DPH6: variants seen among roughly 807,000 people sequenced by gnomAD.
The protein encoded by DPH6 is diphthamine biosynthesis 6.
In DPH6, 33 loss-of-function variants were observed where a neutral mutation model predicts 38.2. The observed-to-expected ratio is 0.86, with a 90% CI of 0.65 to 1.15. The LOEUF (loss-of-function observed/expected upper bound fraction) is 1.15, where lower values mean the gene tolerates loss of function less well. DPH6 is among the 50% of genes most tolerant of loss of function. The probability of loss-of-function intolerance (pLI) is 0.00; values close to 1 mark genes in which losing one functional copy is unlikely to be tolerated. For missense variants in DPH6, 325 were observed against 320.0 expected, an observed-to-expected ratio of 1.02 and a Z score of -0.12; for synonymous variants, 108 against 103.0, an observed-to-expected ratio of 1.05 and a Z score of -0.30.
chr15:35,361,973 G>A (rs1174634989), intron 3 of DPH6, among the ~76,000 whole-genome samples: 1 of 149,968 alleles, frequency 6.7e-6, no homozygotes, highest in Non-Finnish European at 1.5e-5. Flanking sequence ...TCTATTTTGG[G>A]CCTCCGATTG....
chr15:35,385,546 T>C (rs1248170109), intron 6 of DPH6, among the ~76,000 whole-genome samples: 1 of 151,874 alleles, frequency 6.6e-6, no homozygotes, highest in African/African-American at 2.4e-5. Flanking sequence ...TTCTCACTCA[T>C]AAGTGGGAGT....
At chr15:35,331,494 C>A (rs1246815631) in intron 3 of DPH6, among the ~76,000 whole-genome samples, 1 of 152,070 alleles carries the variant, frequency 6.6e-6, no homozygotes, top group East Asian at 1.9e-4. Flanking sequence ...ATGCAGGATT[C>A]AAAAGAACAC....
intron 5 of DPH6, among the ~76,000 whole-genome samples, chr15:35,436,198 G>A (rs1188381866): frequency 2.6e-5 from 4 of 152,158 alleles, no homozygotes; most frequent in African/African-American, 4.8e-5. Context: ...TGGGCGCGGT[G>A]GCTCATGCCT....
chr15:35,528,213 A>G (rs1173197481), intron 3 of DPH6, among the ~76,000 whole-genome samples: 1 of 152,196 alleles, frequency 6.6e-6, no homozygotes, highest in Non-Finnish European at 1.5e-5. Flanking sequence ...AAACTATTTC[A>G]GTTGATACAA....
intron 7 of DPH6, among the ~76,000 whole-genome samples, chr15:35,374,805 T>C (rs147378880): frequency 2.6e-5 from 4 of 152,192 alleles, no homozygotes; most frequent in East Asian, 3.9e-4. Flanking sequence ...CCAGGTATGA[T>C]GAGGAGCAGC....
the DPH6 span, among the ~76,000 whole-genome samples, chr15:35,210,354 G>A: frequency 2.0e-5 from 3 of 152,178 alleles, no homozygotes; most frequent in South Asian, 6.2e-4. Context: ...GCCAGAGCAG[G>A]GAATCAAGAA....
chr15:35,394,618 G>C (rs1022573721), intron 6 of DPH6, among the ~76,000 whole-genome samples: 6 of 152,194 alleles, frequency 3.9e-5, no homozygotes, highest in African/African-American at 1.4e-4. Context: ...TTTGGAGACA[G>C]ACAGTTCTTG....
chr15:35,333,565 C>G (rs974520711), intron 3 of DPH6, among the ~76,000 whole-genome samples: 5 of 152,066 alleles, frequency 3.3e-5, no homozygotes. Context: ...TTGTCCAAAA[C>G]TGGCCAAAGT....
At chr15:35,151,483 T>C in the DPH6 span, among the ~76,000 whole-genome samples, 3 of 152,226 alleles carry the variant, frequency 2.0e-5, no homozygotes, top group Admixed American at 6.5e-5. Context: ...TGATGAGAAA[T>C]AAACAAATCA....
chr15:35,183,115 AC>A, the DPH6 span, among the ~76,000 whole-genome samples: 1 of 152,222 alleles, frequency 6.6e-6, no homozygotes, highest in African/African-American at 2.4e-5. Context: ...CCTTGCTGAT[AC>A]CTTTTAATTT....
intron 3 of DPH6, chr15:35,238,316 G>C: frequency 3.1e-6 from 1 of 318,656 alleles, no homozygotes; most frequent in South Asian, 3.6e-5. Flanking sequence ...TTGCTGTCAG[G>C]AACAGTATGG....
At chr15:35,249,741 T>C (rs924784747) in intron 3 of DPH6, among the ~76,000 whole-genome samples, 1 of 152,176 alleles carries the variant, frequency 6.6e-6, no homozygotes, top group African/African-American at 2.4e-5. Context: ...TAATGTCTTT[T>C]TTGTTATTAC....
At chr15:35,388,710 C>T (rs1595521940) in intron 6 of DPH6, among the ~76,000 whole-genome samples, 2 of 152,104 alleles carry the variant, frequency 1.3e-5, no homozygotes, top group African/African-American at 4.8e-5. Flanking sequence ...TTTTTTATTG[C>T]ATCTATTTGA....
At chr15:35,174,679 T>C in the DPH6 span, among the ~76,000 whole-genome samples, 1 of 151,936 alleles carries the variant, frequency 6.6e-6, no homozygotes, top group Non-Finnish European at 1.5e-5. Flanking sequence ...ACGGAAAGGG[T>C]TTTTAATATT....
chr15:35,180,890 T>C, the DPH6 span, among the ~76,000 whole-genome samples: 2 of 152,236 alleles, frequency 1.3e-5, no homozygotes, highest in Non-Finnish European at 2.9e-5. Flanking sequence ...GAAATAGGCA[T>C]TGAAAGTAAT....
Position 35,472,164 on chromosome 15 carries a change from G to A in DPH6, c.313-17344C>T, listed in dbSNP as rs186176141. Among the ~76,000 whole-genome samples the A allele has an allele frequency of 3.2e-3, 480 of 152,010 alleles. 2 individuals are homozygous for A. The highest frequency in any genetic ancestry group is 0.011 in the African/African-American group (448 of 41,434). On this transcript the variant is annotated intron_variant, in intron 3 of 8. Coordinates refer to ENST00000256538, the MANE Select transcript of DPH6 (RefSeq NM_080650.4). ...GGACTTCAATGACTATATCAATCAG[G>A]GTCCAACAGAAAAATAAAATACTCT...
At chr15:35,451,277 A>G (rs951932626) in intron 4 of DPH6, among the ~76,000 whole-genome samples, 13 of 152,212 alleles carry the variant, frequency 8.5e-5, no homozygotes, top group African/African-American at 3.1e-4. Flanking sequence ...AGAAAATAGT[A>G]AGAAAAAAAG....
chr15:35,178,528 G>A, the DPH6 span, among the ~76,000 whole-genome samples: 1 of 152,122 alleles, frequency 6.6e-6, no homozygotes, highest in East Asian at 1.9e-4. Context: ...CCTCCCACCA[G>A]GTCCCTCCAT....
At chr15:35,295,066 A>T (rs1480064583) in intron 3 of DPH6, among the ~76,000 whole-genome samples, 1 of 152,140 alleles carries the variant, frequency 6.6e-6, no homozygotes, top group East Asian at 1.9e-4. Context: ...GCTCTTCCTT[A>T]ACTAACACAC....
Sources: gnomAD v4.1 joint callset for allele counts (sites outside exome capture counted in the v4.1 genomes callset) on GRCh38, gnomAD v4.1.1 for gene constraint, MANE v1.5 for transcripts, NCBI Gene and HGNC (gene_info 2026-07-23, HGNC 2026-07-21) for gene names.